CACNA1E: variants seen among roughly 807,000 people sequenced by gnomAD.
The protein encoded by CACNA1E is voltage-dependent R-type calcium channel subunit alpha-1E.
A neutral mutation model predicts 259.2 loss-of-function variants in CACNA1E; 40 were observed. That is an observed-to-expected ratio of 0.15 (90% CI 0.12 to 0.20). The LOEUF (loss-of-function observed/expected upper bound fraction) is 0.20, where lower values mean the gene tolerates loss of function less well. Ranked by LOEUF, CACNA1E falls within the 10% of genes least tolerant of loss-of-function variation. The pLI is 1.00. For missense variants in CACNA1E, 1,874 were observed against 3,040.1 expected (o/e 0.62, Z 9.02); for synonymous variants, 1,104 against 1,138.5 (o/e 0.97, Z 0.61).
In CACNA1E at chr1:181,771,404, T is replaced by C. The variant is rs1374031741; in HGVS notation, c.4973+20T>C. On this transcript the variant is annotated intron_variant, in intron 36 of 47. Coordinates refer to ENST00000367573, the MANE Select transcript of CACNA1E (RefSeq NM_001205293.3). ...CTTCAGGTACCTGGATGCGTAACTG[T>C]CATAGCTGGGGTTCTCCTGATGGAG... 6 of 1,362,096 alleles carry C rather than the reference T, an allele frequency of 4.4e-6. No individual in the cohort carries two copies. In the South Asian group the frequency reaches 4.9e-5, roughly 11 times the overall value. 84.4% of individuals were successfully genotyped at this position (1,362,096 alleles called of 1,614,324 possible).
At chr1:181,543,398 T>G (rs1352814077) in intron 3 of CACNA1E, among the ~76,000 whole-genome samples, 1 of 152,232 alleles carries the variant, frequency 6.6e-6, no homozygotes, top group African/African-American at 2.4e-5. Flanking sequence ...ATGGACTGAA[T>G]GTTCCTGTCC....
At chr1:181,708,352 C>T (rs947137369) in intron 7 of CACNA1E, among the ~76,000 whole-genome samples, 6 of 152,158 alleles carry the variant, frequency 3.9e-5, no homozygotes, top group Non-Finnish European at 7.3e-5. Context: ...GTTGTGGTTC[C>T]TCTGAGGGGC....
intron 6 of CACNA1E, among the ~76,000 whole-genome samples, chr1:181,602,530 T>A (rs1653843743): frequency 6.6e-6 from 1 of 152,226 alleles, no homozygotes; most frequent in Non-Finnish European, 1.5e-5. Context: ...ATGCTCAACC[T>A]GTATTTAATA....
At chr1:181,447,752 C>T (rs1029382556) in intron 2 of CACNA1E, among the ~76,000 whole-genome samples, 21 of 152,150 alleles carry the variant, frequency 1.4e-4, no homozygotes, top group Non-Finnish European at 4.4e-5. Context: ...TCAGGGAGAA[C>T]GTATTTCCTG....
chr1:181,631,133 C>T (rs537304116), intron 6 of CACNA1E, among the ~76,000 whole-genome samples: 1 of 152,324 alleles, frequency 6.6e-6, no homozygotes, highest in East Asian at 1.9e-4. Context: ...GGAGCTTTCT[C>T]GGCCTGGTGC....
chr1:181,333,737 C>A lies in CACNA1E; in HGVS notation c.-15+15614C>A, dbSNP rs77402712. Among the ~76,000 whole-genome samples, 1,491 of 152,152 alleles carry A rather than the reference C, an allele frequency of 9.8e-3. 33 individuals carry two copies. The highest frequency in any genetic ancestry group is 0.034 in the African/African-American group (1,423 of 41,492). On this transcript the variant is annotated intron_variant, in intron 1 of 11. Coordinates refer to the CACNA1E transcript ENST00000524607. ...ATGGCACAATCTCGGCTTGCTGCAACCTCTGCCTCCCAGGCTCAAGGGATT... is the reference window on the plus strand; with the variant it reads ...ATGGCACAATCTCGGCTTGCTGCAAACTCTGCCTCCCAGGCTCAAGGGATT...
intron 6 of CACNA1E, among the ~76,000 whole-genome samples, chr1:181,626,424 A>C (rs1367504555): frequency 1.3e-5 from 2 of 152,188 alleles, no homozygotes; most frequent in Non-Finnish European, 2.9e-5. Flanking sequence ...CAGGTTAGAG[A>C]ATTCTGCTTT....
At chr1:181,413,992 C>T (rs943863901) in intron 2 of CACNA1E, among the ~76,000 whole-genome samples, 13 of 152,210 alleles carry the variant, frequency 8.5e-5, no homozygotes, top group African/African-American at 3.1e-4. Context: ...TTTTTAATAT[C>T]CTCCTTGGAT....
At chr1:181,578,967 C>T (rs2102973677) in intron 4 of CACNA1E, 105 bp from the exon 5 acceptor site, 1 of 936,140 alleles carries the variant, frequency 1.1e-6, no homozygotes, top group Non-Finnish European at 1.6e-6. Context: ...CTATCAGAGG[C>T]AGACGGCAGC....
chr1:181,792,797 T>A (rs1661443499), intron 44 of CACNA1E, among the ~76,000 whole-genome samples: 1 of 152,190 alleles, frequency 6.6e-6, no homozygotes, highest in South Asian at 2.1e-4. Context: ...CTCATACAGC[T>A]CTTTATGCAA....
intron 35 of CACNA1E, among the ~76,000 whole-genome samples, chr1:181,770,425 C>A (rs1375989757): frequency 6.6e-6 from 1 of 152,184 alleles, no homozygotes; most frequent in East Asian, 1.9e-4. Flanking sequence ...GGATAAAGAT[C>A]TCTGAGTGTT....
At chr1:181,344,669 C>G (rs1220970323) in intron 1 of CACNA1E, among the ~76,000 whole-genome samples, 4 of 152,180 alleles carry the variant, frequency 2.6e-5, no homozygotes, top group Non-Finnish European at 5.9e-5. Context: ...TGGCATCATC[C>G]CTGCCTAACA....
intron 8 of CACNA1E, among the ~76,000 whole-genome samples, chr1:181,713,004 G>A (rs543792687): frequency 4.4e-4 from 67 of 152,332 alleles, no homozygotes; most frequent in Non-Finnish European, 8.1e-4. Context: ...GCACTGCGAC[G>A]TCAAAGTGTG....
rs202222171 is a variant in CACNA1E at position 181,339,765 on chromosome 1, AT to A, written c.-15+21645del. 6.6e-3 allele frequency among the ~76,000 whole-genome samples: 999 copies of A among 152,218 alleles called. 10 individuals carry two copies. The highest frequency in any genetic ancestry group is 0.023 in the African/African-American group (948 of 41,572). ...CACATCTTTAAAATTATTAAAAACCATTTATATTTCCATTTCTGTGAATGAT... is the reference window on the plus strand; with the variant it reads ...CACATCTTTAAAATTATTAAAAACCATTATATTTCCATTTCTGTGAATGAT... On this transcript the variant is annotated intron_variant, in intron 1 of 11. Transcript: ENST00000524607.
intron 1 of CACNA1E, among the ~76,000 whole-genome samples, chr1:181,322,713 A>G (rs542842836): frequency 9.2e-5 from 14 of 152,342 alleles, no homozygotes; most frequent in East Asian, 7.7e-4. Flanking sequence ...GTTTATGTTC[A>G]TGTGTTATTG....
intron 2 of CACNA1E, among the ~76,000 whole-genome samples, chr1:181,464,989 C>T (rs979162575): frequency 6.6e-6 from 1 of 152,038 alleles, no homozygotes; most frequent in African/African-American, 2.4e-5. Flanking sequence ...CTCCTCACAC[C>T]ATTTTCTTGC....
intron 3 of CACNA1E, among the ~76,000 whole-genome samples, chr1:181,553,364 C>G (rs576852734): frequency 1.3e-5 from 2 of 152,268 alleles, no homozygotes; most frequent in African/African-American, 4.8e-5. Flanking sequence ...TATTCTGAGA[C>G]TTTACTGAAG....
At chr1:181,759,225 T>C (rs1036046830) in intron 32 of CACNA1E, among the ~76,000 whole-genome samples, 18 of 152,220 alleles carry the variant, frequency 1.2e-4, no homozygotes, top group African/African-American at 4.3e-4. Flanking sequence ...ATAACAGTTT[T>C]ATAACACAAA....
At chr1:181,566,775 C>G (rs1572230399) in intron 3 of CACNA1E, among the ~76,000 whole-genome samples, 1 of 152,266 alleles carries the variant, frequency 6.6e-6, no homozygotes, top group East Asian at 1.9e-4. Context: ...GGCTATTAAG[C>G]ATTTCTCAGT....
Sources: allele counts gnomAD v4.1 joint callset (sites outside exome capture counted in the v4.1 genomes callset), GRCh38; gene constraint gnomAD v4.1.1; transcripts MANE v1.5; gene names NCBI Gene and HGNC (gene_info 2026-07-23, HGNC 2026-07-21).